ENPP6: variants seen among roughly 807,000 people sequenced by gnomAD.
ENPP6 encodes the protein ectonucleotide pyrophosphatase/phosphodiesterase 6.
ENPP6 carries 32 observed loss-of-function variants against 42.0 expected under a neutral mutation model. That is an observed-to-expected ratio of 0.76 (90% CI 0.58 to 1.02). The LOEUF is 1.02. Among genes scored for constraint, ENPP6 ranks in the 50% least tolerant of loss-of-function variants. ENPP6 has a pLI of 0.00. For synonymous variants in ENPP6, 213 were observed against 216.0 expected, an observed-to-expected ratio of 0.99 and a Z score of 0.12; for missense variants, 552 against 566.8, an observed-to-expected ratio of 0.97 and a Z score of 0.27.
At chr4:184,103,164 C>T (rs1003189753) in intron 6 of ENPP6, among the ~76,000 whole-genome samples, 10 of 152,276 alleles carry the variant, frequency 6.6e-5, no homozygotes, top group Non-Finnish European at 1.3e-4. Flanking sequence ...CAGGGTGGCC[C>T]TCCAGCTGCT....
At position 184,089,169 on chromosome 4, in the gene ENPP6, G is replaced by C. The variant is rs988626392; in HGVS notation, c.*2008C>G. 2.6e-5 allele frequency: 4 copies of C among 152,300 alleles called. No individual in the cohort carries two copies. The East Asian group carries it at 7.7e-4, about 29-fold the overall frequency. The allele number at this position is 152,300 out of a possible 1,614,324, so 9.4% of individuals were successfully genotyped here. ...TCAGCTAGATAACAAAGGCTGAAGA[G>C]TTGCCTTCTTTCCAATTGATCCGAT... On this transcript the variant is annotated 3_prime_UTR_variant, in exon 8 of 8. Transcript: ENST00000296741.
At chr4:184,208,134 A>C (rs1204643445) in intron 1 of ENPP6, among the ~76,000 whole-genome samples, 1 of 151,998 alleles carries the variant, frequency 6.6e-6, no homozygotes, top group Non-Finnish European at 1.5e-5. Flanking sequence ...CTTGCTACAC[A>C]CTTTAGAATA....
chr4:184,152,446 CA>C (rs2111076910), intron 2 of ENPP6, among the ~76,000 whole-genome samples: 1 of 152,196 alleles, frequency 6.6e-6, no homozygotes, highest in African/African-American at 2.4e-5. Flanking sequence ...GTCCTCAATC[CA>C]GACCAGTTCG....
At chr4:184,155,478 T>C (rs144352222) in intron 1 of ENPP6, among the ~76,000 whole-genome samples, 1 of 141,254 alleles carries the variant, frequency 7.1e-6, no homozygotes, top group African/African-American at 2.7e-5. Context: ...CTGCAGCTGG[T>C]GTGCAAAGAA....
rs751945651 is a variant in ENPP6, at chr4:184,097,305, A to G, written c.1057T>C (p.Trp353Arg). 1 of 1,614,188 alleles carries G rather than the reference A, an allele frequency of 6.2e-7. No individual in the cohort carries two copies. The highest frequency in any genetic ancestry group is 8.5e-7 in the Non-Finnish European group (1 of 1,180,042). The change falls in exon 7 of 8, where the codon TGG (tryptophan) becomes CGG (arginine). Residue 353 changes from tryptophan (W) to arginine (R), a missense_variant. By Grantham distance (101) the Trp-to-Arg change is moderately radical (BLOSUM62 -3). This residue lies in a region of ENPP6 where 545 missense variants were observed against 546.3 expected (regional missense o/e 1.00). Transcript: ENST00000296741. The stretch of plus-strand genomic sequence containing the variant: ...ATGAGCTCGTTGTCGTAGCCGTGCC[A>G]TCCACGCTGCCAACCTTCCCGCCTG... ...TGRREGWQRG[W>R]HGYDNELMDM...
At chr4:184,159,874 C>G (rs961468844) in intron 1 of ENPP6, among the ~76,000 whole-genome samples, 6 of 152,160 alleles carry the variant, frequency 3.9e-5, no homozygotes, top group Non-Finnish European at 8.8e-5. Context: ...CATAGCTTAG[C>G]TCCCACTTAT....
At position 184,091,117 on chromosome 4, in the gene ENPP6, C is replaced by G; in HGVS notation, c.*60G>C. 6.9e-7 allele frequency: 1 copy of G among 1,458,012 alleles called. No homozygotes were observed. The highest frequency in any genetic ancestry group is 9.1e-7 in the Non-Finnish European group (1 of 1,095,284). The allele number at this position is 1,458,012 out of a possible 1,614,324, so 90.3% of individuals were successfully genotyped here. On this transcript the variant is annotated 3_prime_UTR_variant, in exon 8 of 8. Transcript: ENST00000296741. ...TATTCACACATAAAATGAAAATCAT[C>G]TGGCTTTGGAGGCCCACTTTGCTGA...
At chr4:184,191,845 A>G (rs576601054) in intron 1 of ENPP6, among the ~76,000 whole-genome samples, 40 of 152,378 alleles carry the variant, frequency 2.6e-4, no homozygotes, top group African/African-American at 7.2e-4. Context: ...TACAGTTTAT[A>G]TACTGCAAAA....
chr4:184,152,891 G>A (rs1414973773), intron 2 of ENPP6, among the ~76,000 whole-genome samples: 2 of 150,890 alleles, frequency 1.3e-5, no homozygotes, highest in East Asian at 2.0e-4. Flanking sequence ...TTTCAATATT[G>A]TAGAGGAGCT....
At chr4:184,129,291 T>TAC (rs60982411) in intron 2 of ENPP6, among the ~76,000 whole-genome samples, 7,124 of 145,316 alleles carry the variant, frequency 0.049, 245 homozygotes, top group African/African-American at 0.1. Context: ...CCCCCCAACA[T>TAC]ACACACACAC....
chr4:184,169,982 G>A (rs1375933010), intron 1 of ENPP6, among the ~76,000 whole-genome samples: 1 of 152,132 alleles, frequency 6.6e-6, no homozygotes, highest in African/African-American at 2.4e-5. Flanking sequence ...ATACTTCTGT[G>A]CCTGTCTCTA....
chr4:184,214,624 A>G (rs1733169506), intron 1 of ENPP6, among the ~76,000 whole-genome samples: 1 of 152,246 alleles, frequency 6.6e-6, no homozygotes. Context: ...AATGTGGCAC[A>G]TATACACCAT....
intron 6 of ENPP6, among the ~76,000 whole-genome samples, chr4:184,108,290 T>C (rs975608997): frequency 2.0e-5 from 3 of 152,214 alleles, no homozygotes; most frequent in African/African-American, 7.2e-5. Context: ...GCCGAGAGTC[T>C]TGCCATGCCA....
At chr4:184,158,925 G>A (rs1226494252) in intron 1 of ENPP6, among the ~76,000 whole-genome samples, 2 of 152,100 alleles carry the variant, frequency 1.3e-5, no homozygotes, top group African/African-American at 4.8e-5. Flanking sequence ...ATATTCACAT[G>A]GTCAATGATC....
At position 184,089,426 on chromosome 4, in the gene ENPP6, G is replaced by A. The variant is rs907579838; in HGVS notation, c.*1751C>T. ...ATATATTGCCTTTTCCTGACAAAAA[G>A]TCTCACTTGCAGATGTACCTCAATT... On this transcript the variant is annotated 3_prime_UTR_variant, in exon 8 of 8. Transcript: ENST00000296741. 1 of 151,978 alleles carries A rather than the reference G, an allele frequency of 6.6e-6. No homozygotes were observed. The highest frequency in any genetic ancestry group is 1.5e-5 in the Non-Finnish European group (1 of 68,038). The allele number at this position is 151,978 out of a possible 1,614,324, so 9.4% of individuals were successfully genotyped here. A position where few individuals can be genotyped will look rare whatever the true frequency, so the allele number is the denominator to read the frequency against.
chr4:184,131,355 CTTCT>C (rs1320730542), intron 2 of ENPP6, among the ~76,000 whole-genome samples: 5 of 122,124 alleles, frequency 4.1e-5, no homozygotes, highest in African/African-American at 1.5e-4. Flanking sequence ...TCTTTTCTTT[CTTCT>C]TTCTTTTTTT....
intron 4 of ENPP6, among the ~76,000 whole-genome samples, chr4:184,117,322 G>C (rs906904368): frequency 2.0e-5 from 3 of 152,222 alleles, no homozygotes; most frequent in Non-Finnish European, 2.9e-5. Context: ...ACAAATTTGT[G>C]TGCTGGTTTG....
At chr4:184,121,083 C>G (rs1236566394) in intron 3 of ENPP6, among the ~76,000 whole-genome samples, 1 of 152,162 alleles carries the variant, frequency 6.6e-6, no homozygotes, top group East Asian at 1.9e-4. Context: ...GAGAGCAATG[C>G]CTACACAATA....
At chr4:184,124,579 C>A (rs571462318) in intron 2 of ENPP6, among the ~76,000 whole-genome samples, 6 of 152,160 alleles carry the variant, frequency 3.9e-5, no homozygotes, top group Non-Finnish European at 7.3e-5. Flanking sequence ...TACACAAATA[C>A]CTCAATTGAA....
Sources: gnomAD v4.1 joint callset for allele counts (sites outside exome capture counted in the v4.1 genomes callset) on GRCh38, gnomAD v4.1.1 for gene constraint, gnomAD v4.1.1 regional missense constraint, MANE v1.5 for transcripts, NCBI Gene and HGNC (gene_info 2026-07-23, HGNC 2026-07-21) for gene names.